The following LOXHD1 variants were observed in gnomAD, a reference collection of about 807,000 sequenced individuals.
LOXHD1 encodes lipoxygenase homology domain-containing protein 1.
In LOXHD1, 205 loss-of-function variants were observed where a neutral mutation model predicts 248.2. The ratio of observed to expected loss-of-function variants is 0.83; its 90% CI spans 0.74 to 0.93. LOXHD1 has a LOEUF of 0.93. Ranked by LOEUF, LOXHD1 falls within the 40% of genes least tolerant of loss-of-function variation. The pLI is 0.00. For missense variants in LOXHD1, 2,930 were observed against 2,971.6 expected, an observed-to-expected ratio of 0.99 and a Z score of 0.33; for synonymous variants, 1,113 against 1,162.8, an observed-to-expected ratio of 0.96 and a Z score of 0.87.
At chr18:46,634,187 T>C (rs991370067) in intron 4 of LOXHD1, among the ~76,000 whole-genome samples, 5 of 152,186 alleles carry the variant, frequency 3.3e-5, no homozygotes, top group African/African-American at 1.2e-4. Context: ...CCAATGTCTA[T>C]CAACAGAATG....
intron 31 of LOXHD1, 42 bp downstream of exon 31, chr18:46,524,424 A>G: frequency 6.5e-7 from 1 of 1,536,736 alleles, no homozygotes; most frequent in Non-Finnish European, 8.8e-7. Flanking sequence ...AAACATTTCC[A>G]TGTGCCTGGC....
At chr18:46,590,953 AAACT>A (rs1406039392) in intron 12 of LOXHD1, among the ~76,000 whole-genome samples, 2 of 152,266 alleles carry the variant, frequency 1.3e-5, no homozygotes, top group Non-Finnish European at 1.5e-5. Context: ...TTGCCTAATT[AAACT>A]AACAGAATGA....
At chr18:46,536,286 G>C (rs191398201) in intron 26 of LOXHD1, among the ~76,000 whole-genome samples, 1 of 152,236 alleles carries the variant, frequency 6.6e-6, no homozygotes, top group African/African-American at 2.4e-5. Flanking sequence ...GGGCCACAGA[G>C]AGAGGAAGCG....
intron 20 of LOXHD1, chr18:46,558,967 G>A (rs2037445594): frequency 7.0e-6 from 3 of 430,234 alleles, no homozygotes; most frequent in Admixed American, 2.5e-5. Flanking sequence ...AAGACACACT[G>A]TCCTAAACTG....
intron 27 of LOXHD1, chr18:46,533,789 G>T (rs1020317196): frequency 3.7e-6 from 1 of 273,734 alleles, no homozygotes. Context: ...AGTCGGGCGT[G>T]GTGGCGTGCG....
intron 1 of LOXHD1, among the ~76,000 whole-genome samples, chr18:46,655,208 T>C (rs960279577): frequency 1.3e-5 from 2 of 152,240 alleles, no homozygotes; most frequent in African/African-American, 4.8e-5. Flanking sequence ...TCCATCCTGT[T>C]TGTGACCTTG....
chr18:46,489,988 G>A (rs1254629699), intron 37 of LOXHD1, among the ~76,000 whole-genome samples: 1 of 152,218 alleles, frequency 6.6e-6, no homozygotes, highest in African/African-American at 2.4e-5. Flanking sequence ...AATTGGCAGG[G>A]CTTCCCTCGG....
In LOXHD1 at chr18:46,509,685, C is replaced by G; in HGVS notation, c.5517+13G>C. The G allele has an allele frequency of 1.3e-6, 2 of 1,531,150 alleles. No individual in the cohort carries two copies. Among genetic ancestry groups the G allele is most frequent in the Non-Finnish European group, 1.8e-6 (2 of 1,128,236 alleles). The allele number at this position is 1,531,150 out of a possible 1,614,324, so 94.8% of individuals were successfully genotyped here. ...GGTGGCTGGAAGGAAGAGTGAGGGT[C>G]TAGACATTTTACCCTCTCCAGGAAC... On this transcript the variant is annotated intron_variant, in intron 35 of 40. Coordinates refer to ENST00000642948, the MANE Select transcript of LOXHD1 (RefSeq NM_001384474.1).
intron 29 of LOXHD1, among the ~76,000 whole-genome samples, chr18:46,527,935 T>C (rs2035896171): frequency 6.6e-6 from 1 of 151,898 alleles, no homozygotes; most frequent in South Asian, 2.1e-4. Context: ...TGAATGGGAG[T>C]GCTGGGGGGT....
At chr18:46,477,980 G>T (rs778706876) in intron 40 of LOXHD1, 28 bp from the exon 41 acceptor site, 1 of 1,538,252 alleles carries the variant, frequency 6.5e-7, no homozygotes, top group Non-Finnish European at 8.8e-7. Flanking sequence ...GAGTGGAGGG[G>T]TAGGGGCTAA....
chr18:46,643,827 A>G (rs1027561453), intron 2 of LOXHD1, among the ~76,000 whole-genome samples: 35 of 152,242 alleles, frequency 2.3e-4, no homozygotes, highest in African/African-American at 7.7e-4. Flanking sequence ...CTTTGCAACC[A>G]TTAAAAATCC....
At chr18:46,625,570 G>A (rs2038730519) in intron 4 of LOXHD1, among the ~76,000 whole-genome samples, 1 of 151,984 alleles carries the variant, frequency 6.6e-6, no homozygotes, top group East Asian at 1.9e-4. Flanking sequence ...TACATTCAAA[G>A]CTGTCCTGGG....
intron 4 of LOXHD1, among the ~76,000 whole-genome samples, chr18:46,633,809 G>A (rs1319824842): frequency 6.6e-6 from 1 of 152,114 alleles, no homozygotes; most frequent in Non-Finnish European, 1.5e-5. Flanking sequence ...AATGGATGAA[G>A]GATTTGAATG....
At chr18:46,483,353 C>T (rs1321427531) in intron 40 of LOXHD1, among the ~76,000 whole-genome samples, 1 of 152,174 alleles carries the variant, frequency 6.6e-6, no homozygotes, top group Non-Finnish European at 1.5e-5. Context: ...AGACTAGATG[C>T]ACCCCAGGTC....
rs328144 is a variant in LOXHD1 at position 46,594,590 on chromosome 18, C to T, written c.1135-124G>A. On this transcript the variant is annotated intron_variant, in intron 8 of 40. Coordinates refer to ENST00000642948, the MANE Select transcript of LOXHD1 (RefSeq NM_001384474.1). ...GTATTAGGACTCTCAAGGAATGGCA[C>T]CTTTTCTGTTGCCTATCTCATTAAA... 493,781 of 1,133,132 alleles carry T rather than the reference C, an allele frequency of 0.44. 110,734 individuals carry two copies. The highest frequency in any genetic ancestry group is 0.5 in the Middle Eastern group (1,674 of 3,378). 70.2% of individuals were successfully genotyped at this position (1,133,132 alleles called of 1,614,324 possible). A position where few individuals can be genotyped will look rare whatever the true frequency, so the allele number is the denominator to read the frequency against.
chr18:46,503,209 G>A (rs1379705727), intron 37 of LOXHD1, among the ~76,000 whole-genome samples: 1 of 152,176 alleles, frequency 6.6e-6, no homozygotes, highest in African/African-American at 2.4e-5. Context: ...ACTTCTTTCT[G>A]ATTAAGGCAG....
chr18:46,598,509 T>TAAA (rs34481424), intron 8 of LOXHD1, among the ~76,000 whole-genome samples: 2 of 147,980 alleles, frequency 1.4e-5, no homozygotes, highest in African/African-American at 2.5e-5. Context: ...CTTTGAAAAT[T>TAAA]AAAAAAAAAA....
At chr18:46,579,373 C>G (rs2037918780) in intron 13 of LOXHD1, among the ~76,000 whole-genome samples, 1 of 152,182 alleles carries the variant, frequency 6.6e-6, no homozygotes. Context: ...TCCCAGGAGT[C>G]CAACAGGTGT....
chr18:46,509,404 C>T (rs2034804838), intron 35 of LOXHD1, among the ~76,000 whole-genome samples: 1 of 152,220 alleles, frequency 6.6e-6, no homozygotes, highest in South Asian at 2.1e-4. Flanking sequence ...CAGCTGCTGT[C>T]CTGAAGGAAG....
Sources: allele counts gnomAD v4.1 joint callset (sites outside exome capture counted in the v4.1 genomes callset), GRCh38; gene constraint gnomAD v4.1.1; transcripts MANE v1.5; gene names NCBI Gene and HGNC (gene_info 2026-07-23, HGNC 2026-07-21).